The following VSNL1 variants were observed in gnomAD, a reference collection of about 807,000 sequenced individuals.
The protein encoded by VSNL1 is visinin-like protein 1.
VSNL1 carries 6 observed loss-of-function variants against 20.4 expected under a neutral mutation model. The observed-to-expected ratio is 0.29, with a 90% CI of 0.16 to 0.58. The LOEUF (loss-of-function observed/expected upper bound fraction) is 0.58, where lower values mean the gene tolerates loss of function less well. Among genes scored for constraint, VSNL1 ranks in the 20% least tolerant of loss-of-function variants. VSNL1 has a pLI of 0.90. For missense variants in VSNL1, 100 were observed against 234.5 expected, an observed-to-expected ratio of 0.43 and a Z score of 3.75; for synonymous variants, 93 against 86.4, an observed-to-expected ratio of 1.08 and a Z score of -0.42.
At chr2:17,644,572 A>G (rs1378009339) in intron 2 of VSNL1, among the ~76,000 whole-genome samples, 1 of 152,204 alleles carries the variant, frequency 6.6e-6, no homozygotes. Flanking sequence ...TGCTGGGAAG[A>G]GCCAAGGCTT....
intron 2 of VSNL1, among the ~76,000 whole-genome samples, chr2:17,616,688 A>G (rs1453546520): frequency 1.3e-5 from 2 of 152,208 alleles, no homozygotes; most frequent in Non-Finnish European, 2.9e-5. Flanking sequence ...GTATTCTTGA[A>G]AAGTTAACTG....
chr2:17,566,816 A>C (rs1663957505), intron 1 of VSNL1, among the ~76,000 whole-genome samples: 2 of 152,172 alleles, frequency 1.3e-5, no homozygotes, highest in Non-Finnish European at 2.9e-5. Flanking sequence ...TGAGGTTGAA[A>C]TCTAATTTTA....
intron 2 of VSNL1, among the ~76,000 whole-genome samples, chr2:17,612,136 T>C (rs1247866739): frequency 1.3e-5 from 2 of 152,216 alleles, no homozygotes; most frequent in African/African-American, 2.4e-5. Flanking sequence ...GGGATAGATG[T>C]GTTTTGAAGT....
intron 2 of VSNL1, among the ~76,000 whole-genome samples, chr2:17,626,713 C>G (rs1340300777): frequency 6.6e-6 from 1 of 152,210 alleles, no homozygotes; most frequent in Non-Finnish European, 1.5e-5. Context: ...GCCAGCAGCT[C>G]TCTGAAGTTA....
intron 1 of VSNL1, among the ~76,000 whole-genome samples, chr2:17,564,566 C>A (rs1320363206): frequency 6.6e-6 from 1 of 151,900 alleles, no homozygotes; most frequent in East Asian, 1.9e-4. Flanking sequence ...TACTCCCCTT[C>A]CAACTTTGTT....
At chr2:17,631,436 T>G (rs1477516126) in intron 2 of VSNL1, among the ~76,000 whole-genome samples, 1 of 152,190 alleles carries the variant, frequency 6.6e-6, no homozygotes, top group Non-Finnish European at 1.5e-5. Context: ...TGGATAATAT[T>G]GTATCATTGT....
intron 2 of VSNL1, among the ~76,000 whole-genome samples, chr2:17,647,319 A>C (rs1157554632): frequency 2.6e-5 from 4 of 152,130 alleles, no homozygotes; most frequent in African/African-American, 9.7e-5. Context: ...TGCCAACTGC[A>C]CATAGAAATG....
rs1255538262 is a variant in VSNL1 at position 17,556,769 on chromosome 2, C to CTGA, written c.-6+15851_-6+15852insTGA. Among the ~76,000 whole-genome samples the CTGA allele has an allele frequency of 2.8e-4, 43 of 152,216 alleles. 1 individual carries two copies. In the East Asian group the frequency reaches 8.3e-3, roughly 29 times the overall value. On this transcript the variant is annotated intron_variant, in intron 1 of 3. Transcript: ENST00000295156. ...TTTCAGAGCCCAGTTCTGTGCTTAC[C>CTGA]ATTCTATAGATTCTCAATATATATG...
intron 2 of VSNL1, among the ~76,000 whole-genome samples, chr2:17,599,734 C>A (rs944599887): frequency 6.6e-6 from 1 of 152,116 alleles, no homozygotes; most frequent in Non-Finnish European, 1.5e-5. Context: ...ATAGCATTTC[C>A]TTCACTTTAA....
intron 1 of VSNL1, among the ~76,000 whole-genome samples, chr2:17,550,509 A>G (rs1457887525): frequency 2.0e-5 from 3 of 152,216 alleles, no homozygotes; most frequent in Non-Finnish European, 4.4e-5. Flanking sequence ...AAGAAAAGCA[A>G]CCACAGTCAA....
At chr2:17,559,259 T>A (rs1177527349) in intron 1 of VSNL1, among the ~76,000 whole-genome samples, 3 of 152,134 alleles carry the variant, frequency 2.0e-5, no homozygotes, top group Non-Finnish European at 4.4e-5. Flanking sequence ...TTGCTAAAAA[T>A]TAGGGGTTTT....
chr2:17,541,880 A>C (rs898622760), intron 1 of VSNL1, among the ~76,000 whole-genome samples: 1 of 152,196 alleles, frequency 6.6e-6, no homozygotes, highest in Non-Finnish European at 1.5e-5. Context: ...TGCTCCCTGC[A>C]TGGTGGAAAT....
intron 1 of VSNL1, among the ~76,000 whole-genome samples, chr2:17,574,188 A>T (rs182637320): frequency 1.8e-4 from 27 of 152,022 alleles, no homozygotes; most frequent in East Asian, 1.6e-3. Flanking sequence ...ATCCTATCCT[A>T]TGTCTTTCTT....
intron 2 of VSNL1, among the ~76,000 whole-genome samples, chr2:17,602,763 TAAAATAAA>T (rs56252661): frequency 0.23 from 34,596 of 149,240 alleles, 5,177 homozygotes; most frequent in Middle Eastern, 0.47. Flanking sequence ...TAAAATAAAA[TAAAATAAA>T]AAAATAAAAT....
chr2:17,573,700 A>C (rs1664134392), intron 1 of VSNL1, among the ~76,000 whole-genome samples: 1 of 152,216 alleles, frequency 6.6e-6, no homozygotes, highest in Non-Finnish European at 1.5e-5. Flanking sequence ...AAGATGAGTA[A>C]GCTCATTTCT....
intron 1 of VSNL1, among the ~76,000 whole-genome samples, chr2:17,559,848 A>G (rs1663772567): frequency 1.3e-5 from 2 of 152,098 alleles, no homozygotes; most frequent in Admixed American, 6.6e-5. Flanking sequence ...AAAAAATGAA[A>G]TAAGCAGAAT....
chr2:17,649,313 C>T lies in VSNL1; in HGVS notation c.163-97C>T, dbSNP rs974927701. The T allele has an allele frequency of 2.3e-5, 29 of 1,236,750 alleles. No homozygotes were observed. The highest frequency in any genetic ancestry group is 6.5e-5 in the South Asian group (5 of 76,988). The allele number at this position is 1,236,750 out of a possible 1,614,324, so 76.6% of individuals were successfully genotyped here. A position where few individuals can be genotyped will look rare whatever the true frequency, so the allele number is the denominator to read the frequency against. On this transcript the variant is annotated intron_variant, in intron 2 of 3. Transcript: ENST00000295156. The surrounding 1 kb of genome is among the most constrained non-coding windows in gnomAD (Gnocchi z 6.4). ...TCTCCAATGGGTGAGGCTCCGACAA[C>T]GCCCAGGAGCACCTGTGATGCCGTC...
At position 17,656,692 on chromosome 2, in the gene VSNL1, C is replaced by G. The variant is rs1212300434; in HGVS notation, c.*1298C>G. 6.6e-6 allele frequency: 1 copy of G among 152,096 alleles called. No individual in the cohort carries two copies. The highest frequency in any genetic ancestry group is 2.4e-5 in the African/African-American group (1 of 41,392). 9.4% of individuals were successfully genotyped at this position (152,096 alleles called of 1,614,324 possible). ...GCAGGTTTGCATTTTCAGAACATGC[C>G]CCCCTAGAGAGTTGAGTTTTTTACA... On this transcript the variant is annotated 3_prime_UTR_variant, in exon 4 of 4. Transcript: ENST00000295156.
intron 1 of VSNL1, 68 bp from the exon 2 acceptor site, chr2:17,592,002 T>G: frequency 1.3e-6 from 2 of 1,589,472 alleles, no homozygotes; most frequent in Middle Eastern, 3.7e-4. Flanking sequence ...GAACTCTAGC[T>G]TGGCTCCTAA....
Sources: allele counts gnomAD v4.1 joint callset (sites outside exome capture counted in the v4.1 genomes callset), GRCh38; gene constraint gnomAD v4.1.1; non-coding constraint Gnocchi (gnomAD v3.1); transcripts MANE v1.5; gene names NCBI Gene and HGNC (gene_info 2026-07-23, HGNC 2026-07-21).